TBC1D4: variants seen among roughly 807,000 people sequenced by gnomAD.
TBC1D4 encodes TBC1 domain family member 4, also known as TBC (Tre-2, BUB2, CDC16) domain-containing protein.
In TBC1D4, 121 loss-of-function variants were observed where a neutral mutation model predicts 142.5. The ratio of observed to expected loss-of-function variants is 0.85; its 90% CI spans 0.73 to 0.99. The LOEUF (loss-of-function observed/expected upper bound fraction) is 0.99. TBC1D4 is among the 50% of genes least tolerant of loss of function. The pLI is 0.00. For synonymous variants in TBC1D4, 630 were observed against 628.2 expected (o/e 1.00, Z -0.04); for missense variants, 1,475 against 1,606.6 (o/e 0.92, Z 1.40).
At position 75,311,366 on chromosome 13, in the gene TBC1D4, C is replaced by T. The variant is rs185063914; in HGVS notation, c.2384-1215G>A. On this transcript the variant is annotated intron_variant, in intron 13 of 20. Coordinates refer to ENST00000377636, the MANE Select transcript of TBC1D4 (RefSeq NM_014832.5). ...TGTTCTGTGAAGCTTTTTCTGACCACCTCGGGCAGAGTTAACTTCATCTTT... is the reference window on the plus strand; with the variant it reads ...TGTTCTGTGAAGCTTTTTCTGACCATCTCGGGCAGAGTTAACTTCATCTTT... Among the ~76,000 whole-genome samples the T allele has an allele frequency of 1.1e-3, 165 of 152,292 alleles. 5 individuals are homozygous for T. Among genetic ancestry groups the T allele is most frequent in the African/African-American group, 3.9e-3 (161 of 41,558 alleles).
intron 5 of TBC1D4, 113 bp downstream of exon 5, chr13:75,349,057 T>C: frequency 1.9e-6 from 3 of 1,542,286 alleles, no homozygotes; most frequent in Non-Finnish European, 2.7e-6. Context: ...AAATGATTCT[T>C]TGGGTTCTTG....
intron 17 of TBC1D4, among the ~76,000 whole-genome samples, chr13:75,295,727 C>T (rs958730436): frequency 3.3e-5 from 5 of 152,124 alleles, no homozygotes; most frequent in African/African-American, 1.2e-4. Context: ...AACTTTTAAA[C>T]TCATATCTGT....
At chr13:75,386,313 T>A (rs1251640763) in intron 1 of TBC1D4, among the ~76,000 whole-genome samples, 1 of 152,188 alleles carries the variant, frequency 6.6e-6, no homozygotes, top group Non-Finnish European at 1.5e-5. Context: ...TTACCTGGCT[T>A]CACAGTTCTT....
At chr13:75,479,019 C>T (rs1419585385) in intron 1 of TBC1D4, among the ~76,000 whole-genome samples, 1 of 152,204 alleles carries the variant, frequency 6.6e-6, no homozygotes, top group Admixed American at 6.5e-5. Flanking sequence ...GATTTCCACT[C>T]TCTCTTGGGA....
In TBC1D4 at chr13:75,312,774, G is replaced by A; in HGVS notation, c.2347C>T (p.Pro783Ser). ...ATTGCTGAGGGAGATTTGTTCATGG[G>A]AGAAGCAACCCTGAGGAAAATGCGC... The part of the protein sequence containing the change: ...RQRIFLRVAS[P>S]MNKSPSAMQQ... The change falls in exon 13 of 21, where the codon CCC becomes TCC. Residue 783 changes from proline to serine, a missense_variant. Physicochemically the swap from Pro to Ser is moderately conservative, Grantham distance 74 (BLOSUM62 -1). Coordinates refer to ENST00000377636, the MANE Select transcript of TBC1D4 (RefSeq NM_014832.5). 2.5e-6 allele frequency: 4 copies of A among 1,614,190 alleles called. No individual in the cohort carries two copies. The South Asian group carries it at 4.4e-5, about 18-fold the overall frequency.
chr13:75,313,861 C>CT (rs376806483), intron 12 of TBC1D4, among the ~76,000 whole-genome samples: 4 of 152,318 alleles, frequency 2.6e-5, no homozygotes, highest in African/African-American at 9.6e-5. Context: ...TATAGCAGTA[C>CT]TTGTTAGAGA....
intron 1 of TBC1D4, among the ~76,000 whole-genome samples, chr13:75,404,526 A>T (rs4280127): frequency 0.95 from 144,029 of 152,150 alleles, 68,653 homozygotes; most frequent in East Asian, 1. Context: ...TTTTTTTAAA[A>T]GTTTCTTAGT....
chr13:75,462,915 T>C (rs933808668), intron 1 of TBC1D4, among the ~76,000 whole-genome samples: 4 of 152,136 alleles, frequency 2.6e-5, no homozygotes, highest in Non-Finnish European at 5.9e-5. Context: ...ATTTCATCTA[T>C]TGGTATTATC....
intron 1 of TBC1D4, among the ~76,000 whole-genome samples, chr13:75,451,824 T>C (rs1475050925): frequency 6.6e-6 from 1 of 150,860 alleles, no homozygotes; most frequent in Non-Finnish European, 1.5e-5. Context: ...ATATTTTATA[T>C]AACAAATGTG....
At chr13:75,361,962 A>G in intron 2 of TBC1D4, 64 bp downstream of exon 2, 1 of 1,565,366 alleles carries the variant, frequency 6.4e-7, no homozygotes, top group Non-Finnish European at 8.8e-7. Context: ...GAGGAACTGG[A>G]TGCCCAGCTA....
rs374810380 is a variant in TBC1D4, at chr13:75,362,368, C to T, written c.738G>A (p.Pro246=). ...AGTCAGCCAGGTCCTCTCCTGGGTCCGGACCGCGCTGCTCCCCTTGGATCT... is the reference window on the plus strand; with the variant it reads ...AGTCAGCCAGGTCCTCTCCTGGGTCTGGACCGCGCTGCTCCCCTTGGATCT... ...RLKIQGEQRG[P]DPGEDLADLE... Residue 246 remains proline, a synonymous_variant, in exon 2 of 21, where the codon CCG becomes CCA. Transcript: ENST00000377636. This position sits in a 1 kb window ranked among gnomAD's most constrained non-coding sequence, Gnocchi z 4.2. The T allele has an allele frequency of 8.4e-5, 136 of 1,614,156 alleles. No individual in the cohort carries two copies. In the African/African-American group the frequency reaches 1.6e-3, roughly 19 times the overall value.
intron 1 of TBC1D4, among the ~76,000 whole-genome samples, chr13:75,388,229 T>C (rs2138287635): frequency 6.6e-6 from 1 of 152,326 alleles, no homozygotes; most frequent in African/African-American, 2.4e-5. Context: ...TCGAGGTCCT[T>C]AACTTTAATC....
At chr13:75,422,123 G>A (rs967794167) in intron 1 of TBC1D4, among the ~76,000 whole-genome samples, 1 of 152,210 alleles carries the variant, frequency 6.6e-6, no homozygotes, top group Non-Finnish European at 1.5e-5. Flanking sequence ...GTCACCTATT[G>A]TGCTATACAC....
intron 1 of TBC1D4, among the ~76,000 whole-genome samples, chr13:75,393,182 G>A (rs747639951): frequency 2.7e-5 from 4 of 150,024 alleles, no homozygotes; most frequent in Non-Finnish European, 5.9e-5. Flanking sequence ...TCTTACTACT[G>A]CATTTGGTTT....
At chr13:75,389,239 T>A (rs1884340840) in intron 1 of TBC1D4, among the ~76,000 whole-genome samples, 1 of 152,248 alleles carries the variant, frequency 6.6e-6, no homozygotes, top group Non-Finnish European at 1.5e-5. Context: ...GATTCCAATA[T>A]ATTTCCAGGA....
chr13:75,397,092 T>A (rs1330127001), intron 1 of TBC1D4, among the ~76,000 whole-genome samples: 1 of 151,834 alleles, frequency 6.6e-6, no homozygotes, highest in African/African-American at 2.4e-5. Flanking sequence ...ACAGGTTAAT[T>A]AGTATGCTTG....
intron 1 of TBC1D4, among the ~76,000 whole-genome samples, chr13:75,421,627 T>C (rs1167791952): frequency 2.0e-5 from 3 of 152,110 alleles, no homozygotes; most frequent in African/African-American, 7.2e-5. Context: ...TGTAGAGTCT[T>C]GGGAGAAAAA....
At chr13:75,327,853 C>T in intron 8 of TBC1D4, 27 bp from the exon 9 acceptor site, 1 of 1,611,480 alleles carries the variant, frequency 6.2e-7, no homozygotes, top group Non-Finnish European at 8.5e-7. Flanking sequence ...AAATTAAGTG[C>T]TTCGTGTGAT....
At position 75,481,517 on chromosome 13, in the gene TBC1D4, AG is replaced by A. The variant is rs1256247726; in HGVS notation, c.250del (p.Leu84TrpfsTer59). ...CGAPAAREVI[L>X]VLSAPFLRCV... is the part of the protein sequence containing the mutation. The stretch of plus-strand genomic sequence containing the variant: ...ACGCAGGAAGGGCGCGCTGAGCACC[AG>A]GATCACCTCTCGGGCCGCCGGCGCC... On this transcript the variant is annotated frameshift_variant, in exon 1 of 21. Transcript: ENST00000377636. LOFTEE classifies it high-confidence loss of function. 6 of 1,610,958 alleles carry A rather than the reference AG, an allele frequency of 3.7e-6. No homozygotes were observed.
Sources: allele counts gnomAD v4.1 joint callset (sites outside exome capture counted in the v4.1 genomes callset), GRCh38; gene constraint gnomAD v4.1.1; non-coding constraint Gnocchi (gnomAD v3.1); transcripts MANE v1.5; gene names NCBI Gene and HGNC (gene_info 2026-07-23, HGNC 2026-07-21).